FH: variants seen among roughly 807,000 people sequenced by gnomAD.
FH encodes fumarate hydratase, mitochondrial.
Under a neutral mutation model 49.4 loss-of-function variants are expected in FH, and 22 were observed. The observed-to-expected ratio is 0.45, with a 90% CI of 0.32 to 0.64. FH has a LOEUF of 0.64. Among genes scored for constraint, FH ranks in the 30% least tolerant of loss-of-function variants. The pLI, the probability that FH is intolerant of heterozygous loss-of-function variation, is 0.05. For synonymous variants in FH, 208 were observed against 223.0 expected (o/e 0.93, Z 0.60); for missense variants, 526 against 641.5 (o/e 0.82, Z 1.95).
chr1:241,507,605 C>T (rs769763398), intron 5 of FH, among the ~76,000 whole-genome samples: 3 of 152,104 alleles, frequency 2.0e-5, no homozygotes, highest in Non-Finnish European at 4.4e-5. Flanking sequence ...ACACAGGAGG[C>T]TGAGTCATGG....
At chr1:241,516,716 G>A (rs1270821774) in intron 2 of FH, among the ~76,000 whole-genome samples, 2 of 151,532 alleles carry the variant, frequency 1.3e-5, no homozygotes, top group African/African-American at 2.4e-5. Context: ...GCAGTGGTGC[G>A]ATCTCAGCTC....
chr1:241,502,367 G>C (rs1659802115), intron 8 of FH, 76 bp downstream of exon 8: 1 of 1,560,430 alleles, frequency 6.4e-7, no homozygotes. Flanking sequence ...GGAATCACTA[G>C]AAGTCTTTAT....
rs56361117 is a variant in FH at position 241,498,694 on chromosome 1, C to CATATATATATATATATAT, written c.1391-742_1391-725dup. 6.8e-4 allele frequency among the ~76,000 whole-genome samples: 36 copies of CATATATATATATATATAT among 53,168 alleles called. 1 individual carries two copies. Among genetic ancestry groups the CATATATATATATATATAT allele is most frequent in the Non-Finnish European group, 8.9e-4 (25 of 27,984 alleles). 34.9% of individuals were successfully genotyped at this position (53,168 alleles called of 152,430 possible). A position where few individuals can be genotyped will look rare whatever the true frequency, so the allele number is the denominator to read the frequency against. On this transcript the variant is annotated intron_variant, in intron 9 of 9. Transcript: ENST00000366560. Reference sequence around the variant, plus strand: ...AGGGCAGTTCTGCAAGCTGTCTTAACATATATATATATATATATATATATA... The same window carrying CATATATATATATATATAT: ...AGGGCAGTTCTGCAAGCTGTCTTAACATATATATATATATATATATATATATATATATATATATATATA...
chr1:241,519,570 G>A (rs1333030681), intron 1 of FH, 21 bp downstream of exon 1: 1 of 1,544,778 alleles, frequency 6.5e-7, no homozygotes, highest in Non-Finnish European at 8.7e-7. Flanking sequence ...GGGAGGCCGG[G>A]GGATGGCGGC....
chr1:241,504,325 G>A (rs1489004475), intron 6 of FH, 80 bp from the exon 7 acceptor site: 3 of 1,325,412 alleles, frequency 2.3e-6, no homozygotes, highest in Non-Finnish European at 3.2e-6. Flanking sequence ...GAAACAGAAA[G>A]TTCCAATATA....
intron 1 of FH, chr1:241,519,246 G>A: frequency 3.7e-6 from 1 of 273,434 alleles, no homozygotes; most frequent in South Asian, 4.2e-5. Context: ...GCGCCCCGGG[G>A]CTGGGGGCCT....
rs373903301 is a variant in FH, at chr1:241,502,621, T to C, written c.1109-51A>G. On this transcript the variant is annotated intron_variant, in intron 7 of 9. Coordinates refer to ENST00000366560, the MANE Select transcript of FH (RefSeq NM_000143.4). ...GTAAAGACTAAATTTATGCAAATAATCAGGAGAATAAAGAAATCTAATTTC... is the reference window on the plus strand; with the variant it reads ...GTAAAGACTAAATTTATGCAAATAACCAGGAGAATAAAGAAATCTAATTTC... 25 of 1,596,188 alleles carry C rather than the reference T, an allele frequency of 1.6e-5. No individual in the cohort carries two copies. The African/African-American group carries it at 2.7e-4, about 17-fold the overall frequency.
At chr1:241,510,319 G>A (rs370798843) in intron 4 of FH, among the ~76,000 whole-genome samples, 6 of 152,186 alleles carry the variant, frequency 3.9e-5, no homozygotes, top group African/African-American at 1.2e-4. Context: ...CCAGGAAGTC[G>A]GAACACACTT....
intron 9 of FH, 24 bp downstream of exon 9, chr1:241,500,413 T>C: frequency 6.2e-7 from 1 of 1,609,872 alleles, no homozygotes; most frequent in South Asian, 1.1e-5. Flanking sequence ...TTCAAAATGA[T>C]ATTATTATTC....
chr1:241,503,934 G>A (rs1659845626), intron 7 of FH, 108 bp downstream of exon 7: 7 of 1,170,140 alleles, frequency 6.0e-6, no homozygotes, highest in African/African-American at 4.5e-5. Context: ...TGCGCCTTGC[G>A]CATCCAGCTG....
chr1:241,519,535 G>A, intron 1 of FH, 56 bp downstream of exon 1: 1 of 1,522,524 alleles, frequency 6.6e-7, no homozygotes, highest in Non-Finnish European at 8.8e-7. Flanking sequence ...CAGGCCGGCA[G>A]GCAGGAGGGC....
Position 241,512,044 on chromosome 1 carries a change from T to C in FH, c.478A>G (p.Arg160Gly), listed in dbSNP as rs878853694. ...NMNVNEVISNRAIEMLGGELG... is the reference protein window; with the variant it reads ...NMNVNEVISNGAIEMLGGELG... ...TCACCTCCTAACATTTCAATTGCTC[T>C]ATTGCTAATGACTTCATTTACATTC... The change falls in exon 4 of 10, where the codon AGA becomes GGA. Residue 160 changes from arginine to glycine, a missense_variant. Arg to Gly is a moderately radical substitution (Grantham distance 125, BLOSUM62 -2). Coordinates refer to ENST00000366560, the MANE Select transcript of FH (RefSeq NM_000143.4). 1 of 1,613,996 alleles carries C rather than the reference T, an allele frequency of 6.2e-7. No homozygotes were observed. Among genetic ancestry groups the C allele is most frequent in the Non-Finnish European group, 8.5e-7 (1 of 1,179,892 alleles).
intron 5 of FH, 121 bp downstream of exon 5, chr1:241,508,482 C>T: frequency 2.6e-6 from 2 of 784,074 alleles, no homozygotes; most frequent in Non-Finnish European, 4.5e-6. Flanking sequence ...AACAGAACAA[C>T]CTCTGTCACT....
intron 1 of FH, among the ~76,000 whole-genome samples, chr1:241,517,648 T>C (rs1660256124): frequency 6.6e-6 from 1 of 152,176 alleles, no homozygotes; most frequent in South Asian, 2.1e-4. Context: ...TTCAATGTAC[T>C]TAGTTTAATG....
Position 241,517,220 on chromosome 1 carries a change from T to C in FH, c.229A>G (p.Met77Val), listed in dbSNP as rs1277364872. 2 of 1,614,180 alleles carry C rather than the reference T, an allele frequency of 1.2e-6. No individual in the cohort carries two copies. The highest frequency in any genetic ancestry group is 1.7e-6 in the Non-Finnish European group (2 of 1,180,046). The change falls in exon 2 of 10, where the codon ATG (methionine) becomes GTG (valine). Residue 77 changes from methionine to valine, a missense_variant. Met to Val is a conservative substitution (Grantham distance 21, BLOSUM62 1). Coordinates refer to ENST00000366560, the MANE Select transcript of FH (RefSeq NM_000143.4). Reference sequence around the variant, plus strand: ...GTCACACCTCCAATCTTAAAGTTCATCGTAGATCTCACGGTCTGGGCGCCA... The same window carrying C: ...GTCACACCTCCAATCTTAAAGTTCACCGTAGATCTCACGGTCTGGGCGCCA... ...YYGAQTVRST[M>V]NFKIGGVTER...
rs1210947784 is a variant in FH at position 241,508,720 on chromosome 1, C to T, written c.621G>A (p.Leu207=). ...IAAAIEVHEV[L]LPGLQKLHDA... is the part of the protein sequence containing the mutation. ...CATGTAACTTCTGTAGTCCTGGTAACAGTACTTCATGAACTTCTATTGCAG... is the reference window on the plus strand; with the variant it reads ...CATGTAACTTCTGTAGTCCTGGTAATAGTACTTCATGAACTTCTATTGCAG... Residue 207 remains leucine (L), a synonymous_variant, in exon 5 of 10, where the codon CTG becomes CTA. Transcript: ENST00000366560. 3 of 1,613,752 alleles carry T rather than the reference C, an allele frequency of 1.9e-6. No individual in the cohort carries two copies. The highest frequency in any genetic ancestry group is 1.7e-5 in the Admixed American group (1 of 59,994).
rs6673988 is a variant in FH, at chr1:241,511,819, G to C, written c.555+148C>G. 0.34 allele frequency: 250,673 copies of C among 743,120 alleles called. 43,590 individuals carry two copies. The highest frequency in any genetic ancestry group is 0.37 in the Non-Finnish European group (165,611 of 443,962). 46.0% of individuals were successfully genotyped at this position (743,120 alleles called of 1,614,324 possible). On this transcript the variant is annotated intron_variant, in intron 4 of 9. Transcript: ENST00000366560. ...TATAAGGATTGAAACATAAAACCAA[G>C]ATTCCTTCAAGAAATAAGAACCATA... is the stretch of plus-strand genomic sequence containing the variant.
chr1:241,510,128 T>C (rs1660046655), intron 4 of FH, among the ~76,000 whole-genome samples: 1 of 152,246 alleles, frequency 6.6e-6, no homozygotes, highest in African/African-American at 2.4e-5. Flanking sequence ...ACAATGAACG[T>C]GTATTAAAAA....
At position 241,517,199 on chromosome 1, in the gene FH, C is replaced by T; in HGVS notation, c.250G>A (p.Val84Met). The T allele has an allele frequency of 1.2e-6, 2 of 1,614,184 alleles. No individual in the cohort carries two copies. The highest frequency in any genetic ancestry group is 1.7e-6 in the Non-Finnish European group (2 of 1,180,046). The change falls in exon 2 of 10, where the codon GTG becomes ATG. Residue 84 changes from valine (V) to methionine (M), a missense_variant. Transcript: ENST00000366560. ...CCACTTACTGGCATGCGTTCTGTCA[C>T]ACCTCCAATCTTAAAGTTCATCGTA... ...RSTMNFKIGGVTERMPTPVIK... is the reference protein window; with the variant it reads ...RSTMNFKIGGMTERMPTPVIK...
Sources: allele counts gnomAD v4.1 joint callset (sites outside exome capture counted in the v4.1 genomes callset), GRCh38; gene constraint gnomAD v4.1.1; transcripts MANE v1.5; gene names NCBI Gene and HGNC (gene_info 2026-07-23, HGNC 2026-07-21).